The following MEGF11 variants were observed in gnomAD, a reference collection of about 807,000 sequenced individuals.
The protein encoded by MEGF11 is multiple epidermal growth factor-like domains protein 11.
In MEGF11, 126 loss-of-function variants were observed where a neutral mutation model predicts 146.6. The ratio of observed to expected loss-of-function variants is 0.86; its 90% CI spans 0.74 to 1.00. The LOEUF is 1.00. MEGF11 is among the 50% of genes least tolerant of loss of function. The pLI, the probability that MEGF11 is intolerant of heterozygous loss-of-function variation, is 0.00. For missense variants in MEGF11, 1,509 were observed against 1,521.2 expected (o/e 0.99, Z 0.13); for synonymous variants, 532 against 583.4 (o/e 0.91, Z 1.27).
chr15:65,915,947 C>T (rs1461488404), intron 18 of MEGF11, among the ~76,000 whole-genome samples: 5 of 152,200 alleles, frequency 3.3e-5, no homozygotes, highest in Non-Finnish European at 2.9e-5. Context: ...CCTAAATGCC[C>T]CCACCAACTG....
intron 4 of MEGF11, among the ~76,000 whole-genome samples, chr15:66,105,804 C>A (rs2087044324): frequency 6.6e-6 from 1 of 152,186 alleles, no homozygotes; most frequent in African/African-American, 2.4e-5. Flanking sequence ...TCCTATCAGG[C>A]CTCCGCAGTT....
chr15:65,900,620 C>T (rs574193553), intron 24 of MEGF11, among the ~76,000 whole-genome samples: 7 of 152,178 alleles, frequency 4.6e-5, no homozygotes, highest in Non-Finnish European at 8.8e-5. Flanking sequence ...AATTCTCTCT[C>T]TCCTTCTCCT....
intron 1 of MEGF11, among the ~76,000 whole-genome samples, chr15:66,217,821 C>T (rs1335409879): frequency 1.3e-5 from 2 of 152,188 alleles, no homozygotes; most frequent in Non-Finnish European, 2.9e-5. Context: ...CCAACTTTCC[C>T]AGGAACCATC....
In MEGF11 at chr15:66,172,309, C is replaced by G. The variant is rs148340162; in HGVS notation, c.-8-43898G>C. On this transcript the variant is annotated intron_variant, in intron 1 of 25. Transcript: ENST00000395614. ...CTCCCTCCAGGAGCTGGAAGGCTACCTAGTCCATTGCCTCGTGGGCTGGGT... is the reference window on the plus strand; with the variant it reads ...CTCCCTCCAGGAGCTGGAAGGCTACGTAGTCCATTGCCTCGTGGGCTGGGT... 1.1e-3 allele frequency among the ~76,000 whole-genome samples: 173 copies of G among 152,324 alleles called. 1 individual carries two copies. The highest frequency in any genetic ancestry group is 3.8e-3 in the African/African-American group (160 of 41,580).
chr15:65,955,739 T>TAAA (rs1189666912), intron 10 of MEGF11, among the ~76,000 whole-genome samples: 292 of 9,736 alleles, frequency 0.03, 59 homozygotes, highest in Middle Eastern at 0.2. Flanking sequence ...GTGAGACTCT[T>TAAA]AAAAAAAAAA....
chr15:66,085,989 AC>A (rs1394850657), intron 5 of MEGF11, among the ~76,000 whole-genome samples: 4 of 152,196 alleles, frequency 2.6e-5, no homozygotes, highest in African/African-American at 4.8e-5. Context: ...AATTCAGGAA[AC>A]TTTGAGCACA....
At chr15:65,999,094 G>A (rs1447367412) in intron 5 of MEGF11, among the ~76,000 whole-genome samples, 1 of 151,254 alleles carries the variant, frequency 6.6e-6, no homozygotes, top group Admixed American at 6.6e-5. Flanking sequence ...GCCTAGGCTG[G>A]CACACAGTGG....
intron 5 of MEGF11, among the ~76,000 whole-genome samples, chr15:66,022,358 AG>A (rs1413835085): frequency 2.0e-5 from 3 of 152,262 alleles, no homozygotes; most frequent in African/African-American, 4.8e-5. Context: ...GGCCTCAGGC[AG>A]CTGTGCTTTG....
At chr15:66,134,940 A>C (rs4776743) in intron 1 of MEGF11, among the ~76,000 whole-genome samples, 55,212 of 152,222 alleles carry the variant, frequency 0.36, 12,100 homozygotes, top group South Asian at 0.56. Flanking sequence ...ACTTGGTTGC[A>C]GTCTTCATGT....
chr15:66,006,437 G>A (rs1371136867), intron 5 of MEGF11, among the ~76,000 whole-genome samples: 1 of 152,194 alleles, frequency 6.6e-6, no homozygotes, highest in African/African-American at 2.4e-5. Context: ...TGCTTGGCAG[G>A]GCCAAGCATC....
rs184710657 is a variant in MEGF11 at position 66,128,504 on chromosome 15, A to C, written c.-8-93T>G. ...CATCGTCGTGGGTAATGAGCATTTG[A>C]TATTTCACATTGCAGGCTTTGACTA... On this transcript the variant is annotated intron_variant, in intron 1 of 25. Coordinates refer to ENST00000395614, the MANE Select transcript of MEGF11 (RefSeq NM_001385028.1). 2.1e-3 allele frequency: 1,315 copies of C among 615,640 alleles called. 3 individuals are homozygous for C. The highest frequency in any genetic ancestry group is 1.8e-3 in the Non-Finnish European group (694 of 395,806). 38.1% of individuals were successfully genotyped at this position (615,640 alleles called of 1,614,324 possible).
intron 5 of MEGF11, among the ~76,000 whole-genome samples, chr15:66,049,155 T>A (rs756265740): frequency 6.6e-6 from 1 of 152,074 alleles, no homozygotes; most frequent in Non-Finnish European, 1.5e-5. Context: ...GGTTAAGTAT[T>A]GGCTCCCAGA....
chr15:66,115,564 G>T (rs1428483326), intron 4 of MEGF11, among the ~76,000 whole-genome samples: 1 of 152,026 alleles, frequency 6.6e-6, no homozygotes, highest in African/African-American at 2.4e-5. Flanking sequence ...CAGCACCTGA[G>T]ACACGCCCTT....
At chr15:66,177,610 C>T (rs926179155) in intron 1 of MEGF11, among the ~76,000 whole-genome samples, 1 of 151,648 alleles carries the variant, frequency 6.6e-6, no homozygotes, top group Non-Finnish European at 1.5e-5. Flanking sequence ...CTGTAAGTAT[C>T]GTGAGCTCCA....
At chr15:66,011,383 A>G (rs2082707088) in intron 5 of MEGF11, among the ~76,000 whole-genome samples, 3 of 152,096 alleles carry the variant, frequency 2.0e-5, no homozygotes, top group Non-Finnish European at 4.4e-5. Flanking sequence ...CTCCCTTCAG[A>G]CCTCAGTGTC....
intron 1 of MEGF11, among the ~76,000 whole-genome samples, chr15:66,236,373 C>G (rs891304327): frequency 1.3e-5 from 2 of 152,112 alleles, no homozygotes; most frequent in South Asian, 2.1e-4. Flanking sequence ...GGGACATGGT[C>G]CAGTTTGCAC....
chr15:66,191,052 C>T (rs2090857414), intron 1 of MEGF11, among the ~76,000 whole-genome samples: 1 of 152,222 alleles, frequency 6.6e-6, no homozygotes, highest in South Asian at 2.1e-4. Flanking sequence ...GCTGGACTTC[C>T]AGGGATGGAA....
chr15:66,179,740 T>G (rs1207965958), intron 1 of MEGF11, among the ~76,000 whole-genome samples: 1 of 152,076 alleles, frequency 6.6e-6, no homozygotes, highest in African/African-American at 2.4e-5. Flanking sequence ...TAAAGCCACG[T>G]GGATACTTAT....
chr15:66,022,668 T>A (rs1207858973), intron 5 of MEGF11, among the ~76,000 whole-genome samples: 2 of 151,924 alleles, frequency 1.3e-5, no homozygotes, highest in South Asian at 2.1e-4. Flanking sequence ...CCACAAAAAA[T>A]TTTTTAAAAA....
Sources: allele counts gnomAD v4.1 joint callset (sites outside exome capture counted in the v4.1 genomes callset), GRCh38; gene constraint gnomAD v4.1.1; transcripts MANE v1.5; gene names NCBI Gene and HGNC (gene_info 2026-07-23, HGNC 2026-07-21).